Variants in MBIP observed in about 807,000 individuals in gnomAD.
The protein encoded by MBIP is MAP3K12-binding inhibitory protein 1.
In MBIP, 32 loss-of-function variants were observed where a neutral mutation model predicts 45.7. That is an observed-to-expected ratio of 0.70 (90% CI 0.53 to 0.94). The LOEUF (loss-of-function observed/expected upper bound fraction) is 0.94. MBIP is among the 40% of genes least tolerant of loss of function. The pLI is 0.00. For synonymous variants in MBIP, 145 were observed against 141.0 expected (o/e 1.03, Z -0.20); for missense variants, 381 against 405.5 (o/e 0.94, Z 0.52).
At position 36,316,756 on chromosome 14, in the gene MBIP, G is replaced by T; in HGVS notation, c.186C>A (p.Ser62Arg). 6.2e-7 allele frequency: 1 copy of T among 1,612,830 alleles called. No individual in the cohort carries two copies. ...GCAATGCAGGCTGGAATGCCGAGAG[G>T]CTCTGGAGCTTGTTCCAATCGATTG... ...KITIDWNKLQ[S>R]LSAFQPALLF... is the part of the protein sequence containing the mutation. The change falls in exon 2 of 9, where the codon AGC (serine) becomes AGA (arginine). Residue 62 changes from serine (S) to arginine (R), a missense_variant. By Grantham distance (110) the Ser-to-Arg change is moderately radical. Coordinates refer to ENST00000416007, the MANE Select transcript of MBIP (RefSeq NM_016586.3).
At chr14:36,307,090 A>G (rs1439173651) in intron 7 of MBIP, among the ~76,000 whole-genome samples, 1 of 152,214 alleles carries the variant, frequency 6.6e-6, no homozygotes, top group African/African-American at 2.4e-5. Context: ...GTATTTTCAT[A>G]AACCTCATTT....
chr14:36,320,380 C>T, intron 1 of MBIP, 80 bp downstream of exon 1: 1 of 1,597,598 alleles, frequency 6.3e-7, no homozygotes, highest in Non-Finnish European at 8.5e-7. Context: ...CTAGCTGCCC[C>T]CGGCCTCTGC....
At chr14:36,306,462 G>A (rs572841215) in intron 7 of MBIP, among the ~76,000 whole-genome samples, 2 of 152,048 alleles carry the variant, frequency 1.3e-5, no homozygotes, top group East Asian at 1.9e-4. Context: ...TAGTAGAGAT[G>A]GGGTTTCTCC....
intron 7 of MBIP, among the ~76,000 whole-genome samples, chr14:36,306,249 T>G (rs925923153): frequency 6.6e-6 from 1 of 151,666 alleles, no homozygotes; most frequent in African/African-American, 2.4e-5. Context: ...AACACATCTA[T>G]AAGTTTTGTT....
At chr14:36,306,130 A>G (rs1879861619) in intron 7 of MBIP, among the ~76,000 whole-genome samples, 1 of 152,142 alleles carries the variant, frequency 6.6e-6, no homozygotes, top group Admixed American at 6.5e-5. Flanking sequence ...CATAGCACTT[A>G]AGGTCCTAAC....
chr14:36,320,566 T>G lies in MBIP; in HGVS notation c.23A>C (p.Asn8Thr), dbSNP rs141266433. The G allele has an allele frequency of 2.5e-6, 4 of 1,612,674 alleles. No individual in the cohort carries two copies. Among genetic ancestry groups the G allele is most frequent in the Non-Finnish European group, 3.4e-6 (4 of 1,179,338 alleles). ...GTTCCTGTCACCGCTGCTCGGGCGA[T>G]TAAGCTCCGTGGCAGCAGCCATGAT... MAAATEL[N>T]RPSSGDRNLE... Residue 8 changes from asparagine to threonine, a missense_variant, in exon 1 of 9, where the codon AAT (asparagine) becomes ACT (threonine). Physicochemically the swap from Asn to Thr is moderately conservative, Grantham distance 65 (BLOSUM62 0). Coordinates refer to ENST00000416007, the MANE Select transcript of MBIP (RefSeq NM_016586.3).
At chr14:36,320,227 C>A (rs1177761767) in intron 1 of MBIP, among the ~76,000 whole-genome samples, 1 of 152,164 alleles carries the variant, frequency 6.6e-6, no homozygotes, top group East Asian at 1.9e-4. Flanking sequence ...CTTAGGCCAA[C>A]CTCACCCACT....
chr14:36,311,635 C>A lies in MBIP; in HGVS notation c.728G>T (p.Cys243Phe). ...TCGTTCTTCTACAGCCTGATTACCA[C>A]AGTCTCGAAGCATGCTGTTAGGTTT... ...GHKPNSMLRD[C>F]GNQAVEERLQ... The change falls in exon 6 of 9, where the codon TGT becomes TTT. Residue 243 changes from cysteine to phenylalanine, a missense_variant. Physicochemically the swap from Cys to Phe is radical, Grantham distance 205. Transcript: ENST00000416007. 1 of 1,613,528 alleles carries A rather than the reference C, an allele frequency of 6.2e-7. No individual in the cohort carries two copies. Among genetic ancestry groups the A allele is most frequent in the Non-Finnish European group, 8.5e-7 (1 of 1,179,584 alleles).
intron 6 of MBIP, among the ~76,000 whole-genome samples, chr14:36,310,410 G>A (rs1231411726): frequency 2.0e-5 from 3 of 152,022 alleles, no homozygotes; most frequent in African/African-American, 7.3e-5. Context: ...ATCCTTCAAG[G>A]CCTCAAATGT....
In MBIP at chr14:36,320,612, C is replaced by T. The variant is rs766789510; in HGVS notation, c.-24G>A. Reference sequence around the variant, plus strand: ...ATGATATCTTCTCAGGCCGCCCCACCACCACCACCACCAAGATTTGCTCAC... The same window carrying T: ...ATGATATCTTCTCAGGCCGCCCCACTACCACCACCACCAAGATTTGCTCAC... On this transcript the variant is annotated 5_prime_UTR_variant, in exon 1 of 9. Transcript: ENST00000416007. The T allele has an allele frequency of 2.5e-6, 4 of 1,577,754 alleles. No individual in the cohort carries two copies. The Admixed American group carries it at 5.2e-5, about 21-fold the overall frequency.
intron 4 of MBIP, among the ~76,000 whole-genome samples, 191 bp from the exon 5 acceptor site, chr14:36,312,215 A>G (rs1177172486): frequency 6.6e-6 from 1 of 152,094 alleles, no homozygotes; most frequent in African/African-American, 2.4e-5. Flanking sequence ...AATTTATCAT[A>G]ATATCTAATA....
rs201937144 is a variant in MBIP at position 36,308,098 on chromosome 14, C to G, written c.882G>C (p.Gln294His). ...AAAAGACACTTATACTCACTACAGA[C>G]TGAAAATATTCAGGAGAGATGCCTT... ...ELEGISPEYF[Q>H]SVSFSGKRRK... Residue 294 changes from glutamine to histidine, a missense_variant, in exon 7 of 9, where the codon CAG becomes CAC. Physicochemically the swap from Gln to His is conservative, Grantham distance 24 (BLOSUM62 0). Transcript: ENST00000416007. The G allele has an allele frequency of 4.6e-6, 7 of 1,534,928 alleles. No individual in the cohort carries two copies. Among genetic ancestry groups the G allele is most frequent in the Non-Finnish European group, 6.3e-6 (7 of 1,114,282 alleles).
At chr14:36,307,315 T>C (rs1879943070) in intron 7 of MBIP, among the ~76,000 whole-genome samples, 1 of 152,186 alleles carries the variant, frequency 6.6e-6, no homozygotes, top group Admixed American at 6.5e-5. Context: ...TGATCCATGC[T>C]AAAATGGGCT....
chr14:36,305,514 G>A (rs960388167), intron 7 of MBIP, among the ~76,000 whole-genome samples: 2 of 151,796 alleles, frequency 1.3e-5, no homozygotes, highest in African/African-American at 4.8e-5. Context: ...ATCCTTTTCT[G>A]AATGCTTAAT....
intron 7 of MBIP, 53 bp downstream of exon 7, chr14:36,308,039 A>C: frequency 1.0e-6 from 1 of 988,128 alleles, no homozygotes; most frequent in Non-Finnish European, 1.5e-6. Flanking sequence ...AACCACAAAG[A>C]ATCCAGAATA....
chr14:36,311,830 A>G (rs1019782113), intron 5 of MBIP, 105 bp from the exon 6 acceptor site: 29 of 1,216,962 alleles, frequency 2.4e-5, no homozygotes, highest in African/African-American at 6.1e-5. Flanking sequence ...CCATCTAACC[A>G]CAAGTATGAA....
Position 36,311,648 on chromosome 14 carries a change from T to A in MBIP, c.715A>T (p.Met239Leu), listed in dbSNP as rs776788927. Residue 239 changes from methionine (M) to leucine (L), a missense_variant, in exon 6 of 9, where the codon ATG (methionine) becomes TTG (leucine). By Grantham distance (15) the Met-to-Leu change is conservative. Coordinates refer to ENST00000416007, the MANE Select transcript of MBIP (RefSeq NM_016586.3). Reference sequence around the variant, plus strand: ...GCCTGATTACCACAGTCTCGAAGCATGCTGTTAGGTTTATGACCTGACCCT... The same window carrying A: ...GCCTGATTACCACAGTCTCGAAGCAAGCTGTTAGGTTTATGACCTGACCCT... The part of the protein sequence containing the change: ...IPGSGHKPNS[M>L]LRDCGNQAVE... 2 of 1,613,518 alleles carry A rather than the reference T, an allele frequency of 1.2e-6. No individual in the cohort carries two copies. Among genetic ancestry groups the A allele is most frequent in the East Asian group, 4.5e-5 (2 of 44,876 alleles).
chr14:36,299,255 C>G, intron 8 of MBIP, 65 bp from the exon 9 acceptor site: 5 of 995,614 alleles, frequency 5.0e-6, no homozygotes, highest in Non-Finnish European at 7.8e-6. Context: ...AGATAAAGTG[C>G]CAAATGAACT....
chr14:36,299,223 A>C, intron 8 of MBIP, 33 bp from the exon 9 acceptor site: 1 of 1,411,886 alleles, frequency 7.1e-7, no homozygotes. Context: ...TTGCTGAATA[A>C]GATTCTGAAG....
Sources: gnomAD v4.1 joint callset for allele counts (sites outside exome capture counted in the v4.1 genomes callset) on GRCh38, gnomAD v4.1.1 for gene constraint, MANE v1.5 for transcripts, NCBI Gene and HGNC (gene_info 2026-07-23, HGNC 2026-07-21) for gene names.